Variants in OTUD7A observed in about 807,000 individuals in gnomAD.
OTUD7A encodes OTU deubiquitinase 7A.
OTUD7A carries 12 observed loss-of-function variants against 65.7 expected under a neutral mutation model. That is an observed-to-expected ratio of 0.18 (90% confidence interval 0.12 to 0.30). The LOEUF (loss-of-function observed/expected upper bound fraction) is 0.30. OTUD7A is among the 10% of genes least tolerant of loss of function. The pLI is 1.00. For synonymous variants in OTUD7A, 641 were observed against 586.3 expected, an observed-to-expected ratio of 1.09 and a Z score of -1.35; for missense variants, 1,148 against 1,304.8, an observed-to-expected ratio of 0.88 and a Z score of 1.85.
At chr15:31,637,859 C>A (rs1891389339) in intron 3 of OTUD7A, among the ~76,000 whole-genome samples, 2 of 152,184 alleles carry the variant, frequency 1.3e-5, no homozygotes, top group Non-Finnish European at 2.9e-5. Context: ...TTGCTACAAT[C>A]TCAAGTTGGG....
At chr15:31,513,035 A>AT (rs2041780622) in intron 8 of OTUD7A, among the ~76,000 whole-genome samples, 1 of 152,104 alleles carries the variant, frequency 6.6e-6, no homozygotes, top group South Asian at 2.1e-4. Context: ...TGCCCAGCTA[A>AT]TTTTTTTGTA....
chr15:31,761,165 A>T (rs1268281978), intron 1 of OTUD7A, among the ~76,000 whole-genome samples: 1 of 152,190 alleles, frequency 6.6e-6, no homozygotes. Context: ...CAATCAACAA[A>T]AGAACAGATA....
intron 1 of OTUD7A, among the ~76,000 whole-genome samples, chr15:31,840,880 A>T (rs1485817616): frequency 1.3e-5 from 2 of 152,208 alleles, no homozygotes; most frequent in East Asian, 3.8e-4. Context: ...ACTACTGAGG[A>T]TACAATCTAC....
At chr15:31,683,612 G>C (rs143406155) in intron 1 of OTUD7A, among the ~76,000 whole-genome samples, 281 of 152,092 alleles carry the variant, frequency 1.8e-3, no homozygotes, top group Non-Finnish European at 3.7e-3. Context: ...ACCAAAAAAA[G>C]GATAGGTACC....
At chr15:31,861,284 C>A (rs12913126) in intron 1 of OTUD7A, among the ~76,000 whole-genome samples, 4,521 of 152,160 alleles carry the variant, frequency 0.03, 109 homozygotes, top group Middle Eastern at 0.071. Context: ...CTTTCTTTCC[C>A]CAGCCTGGAC....
intron 5 of OTUD7A, among the ~76,000 whole-genome samples, chr15:31,532,346 C>G (rs1887650839): frequency 6.6e-6 from 1 of 151,790 alleles, no homozygotes; most frequent in Non-Finnish European, 1.5e-5. Context: ...ATAGAAGATA[C>G]AAAACAGAGC....
At chr15:31,507,040 G>A (rs2041584429) in intron 8 of OTUD7A, among the ~76,000 whole-genome samples, 1 of 152,148 alleles carries the variant, frequency 6.6e-6, no homozygotes, top group Admixed American at 6.5e-5. Flanking sequence ...GTATTTTGAT[G>A]TATTGTTTTG....
intron 1 of OTUD7A, chr15:31,766,942 G>A (rs1199618322): frequency 6.2e-7 from 1 of 1,611,900 alleles, no homozygotes; most frequent in African/African-American, 1.3e-5. Context: ...TTTGCTGTTA[G>A]AGGATAGATC....
At chr15:31,515,548 A>G (rs1038953076) in intron 8 of OTUD7A, among the ~76,000 whole-genome samples, 2 of 152,142 alleles carry the variant, frequency 1.3e-5, no homozygotes, top group African/African-American at 4.8e-5. Flanking sequence ...TGTAACATCT[A>G]CCAACCTATC....
chr15:31,755,027 G>A (rs1236877020), intron 1 of OTUD7A, among the ~76,000 whole-genome samples: 5 of 151,616 alleles, frequency 3.3e-5, no homozygotes, highest in African/African-American at 1.2e-4. Flanking sequence ...GAGATGGTGT[G>A]TGTGTGTGAT....
At chr15:31,854,290 G>A (rs1897506183) in intron 1 of OTUD7A, among the ~76,000 whole-genome samples, 1 of 152,102 alleles carries the variant, frequency 6.6e-6, no homozygotes, top group Non-Finnish European at 1.5e-5. Flanking sequence ...TGATGACCTG[G>A]GGCCCACCTG....
chr15:31,513,305 A>G (rs2041786948), intron 8 of OTUD7A, among the ~76,000 whole-genome samples: 1 of 152,162 alleles, frequency 6.6e-6, no homozygotes, highest in Admixed American at 6.5e-5. Flanking sequence ...GCACCCCATC[A>G]CCCTGGAAAG....
At chr15:31,586,828 GC>G (rs1889554674) in intron 3 of OTUD7A, among the ~76,000 whole-genome samples, 1 of 151,864 alleles carries the variant, frequency 6.6e-6, no homozygotes, top group Non-Finnish European at 1.5e-5. Context: ...CCCTTGGCTT[GC>G]CCCCTCTCCA....
chr15:31,625,421 A>G (rs1457364439), intron 3 of OTUD7A, among the ~76,000 whole-genome samples: 2 of 152,168 alleles, frequency 1.3e-5, no homozygotes, highest in African/African-American at 2.4e-5. Context: ...TAAAAAAAAA[A>G]AAAAAGAACT....
chr15:31,645,997 C>T (rs975938489), intron 3 of OTUD7A, among the ~76,000 whole-genome samples: 6 of 152,230 alleles, frequency 3.9e-5, no homozygotes, highest in African/African-American at 1.4e-4. Flanking sequence ...TAATATGCAG[C>T]AGCCTCCTCT....
chr15:31,518,174 TA>T, intron 8 of OTUD7A, among the ~76,000 whole-genome samples: 1 of 151,994 alleles, frequency 6.6e-6, no homozygotes, highest in African/African-American at 2.4e-5. Flanking sequence ...TACCCTTCCA[TA>T]AAAAAAGTAA....
At chr15:31,762,003 G>GT (rs1231437365) in intron 1 of OTUD7A, among the ~76,000 whole-genome samples, 1 of 152,186 alleles carries the variant, frequency 6.6e-6, no homozygotes, top group Non-Finnish European at 1.5e-5. Flanking sequence ...GGGCATGTGT[G>GT]TAAGTCACTG....
intron 3 of OTUD7A, among the ~76,000 whole-genome samples, chr15:31,623,740 C>T (rs763830627): frequency 1.2e-4 from 18 of 152,190 alleles, no homozygotes; most frequent in South Asian, 2.1e-4. Flanking sequence ...CACCATGCTT[C>T]GGCTCATGCT....
chr15:31,530,165 G>A (rs1019046530), intron 6 of OTUD7A, among the ~76,000 whole-genome samples: 12 of 152,130 alleles, frequency 7.9e-5, no homozygotes, highest in African/African-American at 2.7e-4. Context: ...CAGTACCTAC[G>A]TCTGTTTCCA....
Sources: gnomAD v4.1 joint callset for allele counts (sites outside exome capture counted in the v4.1 genomes callset) on GRCh38, gnomAD v4.1.1 for gene constraint, MANE v1.5 for transcripts, NCBI Gene and HGNC (gene_info 2026-07-23, HGNC 2026-07-21) for gene names.